XKR4: variants seen among roughly 807,000 people sequenced by gnomAD.
XKR4 encodes the protein XK-related protein 4.
In XKR4, 12 loss-of-function variants were observed where a neutral mutation model predicts 53.9. The observed-to-expected ratio is 0.22, with a 90% confidence interval of 0.14 to 0.36. XKR4 has a LOEUF of 0.36. Among genes scored for constraint, XKR4 ranks in the 10% least tolerant of loss-of-function variants. The pLI, the probability that XKR4 is intolerant of heterozygous loss-of-function variation, is 1.00. For missense variants in XKR4, 799 were observed against 859.5 expected, an observed-to-expected ratio of 0.93 and a Z score of 0.88; for synonymous variants, 354 against 362.4, an observed-to-expected ratio of 0.98 and a Z score of 0.26.
At chr8:55,232,755 T>C (rs1818061384) in intron 1 of XKR4, among the ~76,000 whole-genome samples, 1 of 152,206 alleles carries the variant, frequency 6.6e-6, no homozygotes, top group African/African-American at 2.4e-5. Flanking sequence ...GCATCTGTTT[T>C]GCCCTCCAAG....
chr8:55,424,006 C>T (rs1480990044), intron 2 of XKR4, among the ~76,000 whole-genome samples: 1 of 152,202 alleles, frequency 6.6e-6, no homozygotes, highest in East Asian at 1.9e-4. Context: ...AAGAGCATCC[C>T]CACAGTCCCT....
In XKR4 at chr8:55,396,350, T is replaced by C. The variant is rs187015959; in HGVS notation, c.1006+38473T>C. The stretch of plus-strand genomic sequence containing the variant: ...GGGTAGATGCCCTGCAAACATTTTG[T>C]TGGGACAGAGGGCAAGGGGAAGGTT... On this transcript the variant is annotated intron_variant, in intron 2 of 2. Coordinates refer to ENST00000327381, the MANE Select transcript of XKR4 (RefSeq NM_052898.2). 1.0e-3 allele frequency among the ~76,000 whole-genome samples: 155 copies of C among 151,104 alleles called. 2 individuals are homozygous for C. Among genetic ancestry groups the C allele is most frequent in the African/African-American group, 3.5e-3 (145 of 41,036 alleles).
At chr8:55,153,075 C>T (rs1252642711) in intron 1 of XKR4, among the ~76,000 whole-genome samples, 1 of 152,170 alleles carries the variant, frequency 6.6e-6, no homozygotes, top group Admixed American at 6.5e-5. Flanking sequence ...AGGATCCAGG[C>T]TCACGCTGGG....
intron 1 of XKR4, among the ~76,000 whole-genome samples, chr8:55,247,867 T>TCTTTCTTTCTTTCTTTCTTTCTTTCTTTC (rs1368785247): frequency 3.8e-5 from 1 of 26,342 alleles, no homozygotes; most frequent in Non-Finnish European, 2.5e-4. Flanking sequence ...TTTTTTTTTT[T>TCTTTCTTTCTTTCTTTCTTTCTTTCTTTC]TTTTTTTGAG....
chr8:55,159,326 T>C (rs113180888), intron 1 of XKR4, among the ~76,000 whole-genome samples: 11 of 152,316 alleles, frequency 7.2e-5, no homozygotes, highest in African/African-American at 2.6e-4. Flanking sequence ...GATATGTCGA[T>C]GAACAAAGCA....
At chr8:55,332,519 C>T (rs1803396889) in intron 1 of XKR4, among the ~76,000 whole-genome samples, 1 of 151,892 alleles carries the variant, frequency 6.6e-6, no homozygotes, top group South Asian at 2.1e-4. Context: ...TTTTGTTTAC[C>T]TAGTAGTGTC....
intron 2 of XKR4, among the ~76,000 whole-genome samples, chr8:55,359,827 C>T (rs1803873594): frequency 6.6e-6 from 1 of 152,156 alleles, no homozygotes; most frequent in Non-Finnish European, 1.5e-5. Flanking sequence ...AAAATGCAAT[C>T]CTTAGTCTTC....
At chr8:55,463,541 C>T (rs1012067874) in intron 2 of XKR4, among the ~76,000 whole-genome samples, 7 of 151,906 alleles carry the variant, frequency 4.6e-5, no homozygotes, top group Non-Finnish European at 7.4e-5. Context: ...CGAAAATTGA[C>T]ACCCTAACAT....
At chr8:55,279,346 C>T (rs939419616) in intron 1 of XKR4, among the ~76,000 whole-genome samples, 5 of 152,190 alleles carry the variant, frequency 3.3e-5, no homozygotes, top group African/African-American at 1.2e-4. Flanking sequence ...TGGTTCTCCA[C>T]CCACAGTGTA....
At chr8:55,216,063 A>G (rs547793566) in intron 1 of XKR4, among the ~76,000 whole-genome samples, 3 of 152,346 alleles carry the variant, frequency 2.0e-5, no homozygotes, top group Admixed American at 1.3e-4. Flanking sequence ...AAACCAGACA[A>G]TTGTGGAAAA....
intron 1 of XKR4, among the ~76,000 whole-genome samples, chr8:55,276,218 G>A (rs184381216): frequency 4.6e-5 from 7 of 152,188 alleles, no homozygotes; most frequent in South Asian, 2.1e-4. Flanking sequence ...CAACACCCTC[G>A]ATGACTCGTT....
At chr8:55,219,695 T>C (rs1484319427) in intron 1 of XKR4, among the ~76,000 whole-genome samples, 1 of 152,150 alleles carries the variant, frequency 6.6e-6, no homozygotes, top group Non-Finnish European at 1.5e-5. Flanking sequence ...TGAAATAAAT[T>C]TTTTTTAAAA....
rs1003814083 is a variant in XKR4 at position 55,439,387 on chromosome 8, A to G, written c.1006+81510A>G. Among the ~76,000 whole-genome samples, 9 of 152,258 alleles carry G rather than the reference A, an allele frequency of 5.9e-5. No individual in the cohort carries two copies. The East Asian group carries it at 1.7e-3, about 29-fold the overall frequency. ...AAAGAGACAAAATTCTCTAAAGGGA[A>G]CAGACCACCATGAGTGTGAGGCAGA... On this transcript the variant is annotated intron_variant, in intron 2 of 2. Transcript: ENST00000327381.
At position 55,103,420 on chromosome 8, in the gene XKR4, T is replaced by TG. The variant is rs1211699952; in HGVS notation, c.806+129dup. ...CCCTAGTCACACTCTTCCAGTTTTT[T>TG]GGGTTTCTTTTGAACTGGGGCTTGC... On this transcript the variant is annotated intron_variant, in intron 1 of 2. Coordinates refer to ENST00000327381, the MANE Select transcript of XKR4 (RefSeq NM_052898.2). 5 of 1,441,508 alleles carry TG rather than the reference T, an allele frequency of 3.5e-6. No individual in the cohort carries two copies. In the East Asian group the frequency reaches 1.3e-4, roughly 36 times the overall value. The allele number at this position is 1,441,508 out of a possible 1,614,324, so 89.3% of individuals were successfully genotyped here.
rs115658325 is a variant in XKR4, at chr8:55,512,336, A to G, written c.1007-10945A>G. 5.3e-3 allele frequency among the ~76,000 whole-genome samples: 802 copies of G among 152,194 alleles called. 6 individuals are homozygous for G. Among genetic ancestry groups the G allele is most frequent in the African/African-American group, 0.018 (766 of 41,510 alleles). ...CTGCCTCAGGTGCCACTGCCTCAGG[A>G]TGATACCTGAGTCCCTTTGTCTGGG... On this transcript the variant is annotated intron_variant, in intron 2 of 2. Transcript: ENST00000327381.
At chr8:55,228,271 CAG>C (rs1425467574) in intron 1 of XKR4, among the ~76,000 whole-genome samples, 4 of 152,138 alleles carry the variant, frequency 2.6e-5, no homozygotes, top group Admixed American at 2.6e-4. Context: ...ACAATAGAGA[CAG>C]AGGCATGCAT....
chr8:55,205,006 C>T (rs760097940), intron 1 of XKR4, among the ~76,000 whole-genome samples: 5 of 152,162 alleles, frequency 3.3e-5, no homozygotes, highest in Non-Finnish European at 5.9e-5. Flanking sequence ...AGGCGTAATT[C>T]GTGTTCCTAA....
intron 1 of XKR4, among the ~76,000 whole-genome samples, chr8:55,290,215 T>G (rs1818999629): frequency 6.6e-6 from 1 of 151,558 alleles, no homozygotes; most frequent in African/African-American, 2.4e-5. Context: ...CTGCAACCTC[T>G]GCTTCCCGGG....
intron 1 of XKR4, among the ~76,000 whole-genome samples, chr8:55,120,241 G>A (rs956875790): frequency 1.3e-5 from 2 of 152,162 alleles, no homozygotes; most frequent in African/African-American, 4.8e-5. Flanking sequence ...AGCCTAAAGG[G>A]AGTTTGGTTG....
Sources: allele counts gnomAD v4.1 joint callset (sites outside exome capture counted in the v4.1 genomes callset), GRCh38; gene constraint gnomAD v4.1.1; transcripts MANE v1.5; gene names NCBI Gene and HGNC (gene_info 2026-07-23, HGNC 2026-07-21).